The following BBX variants were observed in gnomAD, a reference collection of about 807,000 sequenced individuals.
BBX encodes the protein BBX high mobility group box domain containing.
In BBX, 30 loss-of-function variants were observed where a neutral mutation model predicts 100.2. That is an observed-to-expected ratio of 0.30 (90% confidence interval 0.22 to 0.41). BBX has a LOEUF of 0.41. Among genes scored for constraint, BBX ranks in the 10% least tolerant of loss-of-function variants. The pLI is 1.00. For synonymous variants in BBX, 376 were observed against 388.1 expected, an observed-to-expected ratio of 0.97 and a Z score of 0.37; for missense variants, 1,023 against 1,129.8, an observed-to-expected ratio of 0.91 and a Z score of 1.35.
chr3:107,797,494 T>G (rs931835197), intron 15 of BBX, among the ~76,000 whole-genome samples: 29 of 151,552 alleles, frequency 1.9e-4, no homozygotes, highest in Admixed American at 1.6e-3. Flanking sequence ...TCTATGTCTA[T>G]CCTAAGAAAT....
intron 2 of BBX, among the ~76,000 whole-genome samples, chr3:107,619,837 C>CT (rs1260203258): frequency 2.0e-5 from 3 of 151,968 alleles, no homozygotes. Flanking sequence ...AGTAAGGTGT[C>CT]TTTTTTCTCT....
chr3:107,658,213 T>G, intron 3 of BBX, among the ~76,000 whole-genome samples: 1 of 152,136 alleles, frequency 6.6e-6, no homozygotes, highest in Non-Finnish European at 1.5e-5. Context: ...CCATAATGAT[T>G]TACAAATCCT....
chr3:107,660,938 A>G (rs916119342), intron 3 of BBX, among the ~76,000 whole-genome samples: 123 of 152,318 alleles, frequency 8.1e-4, no homozygotes, highest in Middle Eastern at 3.4e-3. Flanking sequence ...GTTCTTTACT[A>G]GTGCTTAGCT....
chr3:107,722,364 A>C (rs893811898), intron 5 of BBX, among the ~76,000 whole-genome samples: 1 of 152,008 alleles, frequency 6.6e-6, no homozygotes. Context: ...ACCTTTTTAA[A>C]AGTAGTAAAA....
chr3:107,720,252 G>T (rs2062433095), intron 5 of BBX, among the ~76,000 whole-genome samples: 1 of 151,918 alleles, frequency 6.6e-6, no homozygotes, highest in Non-Finnish European at 1.5e-5. Context: ...CTTCTAATAC[G>T]TATAGCAACC....
rs572318825 is a variant in BBX, at chr3:107,768,497, T to A, written c.907-4131T>A. On this transcript the variant is annotated intron_variant, in intron 10 of 17. Coordinates refer to ENST00000325805, the MANE Select transcript of BBX (RefSeq NM_001142568.3). ...CTTGGCCATGTTTTGCTCAACATTATTACCAAAGATTTGGACAAAGACATG... is the reference window on the plus strand; with the variant it reads ...CTTGGCCATGTTTTGCTCAACATTAATACCAAAGATTTGGACAAAGACATG... Among the ~76,000 whole-genome samples, 12 of 152,322 alleles carry A rather than the reference T, an allele frequency of 7.9e-5. No individual in the cohort carries two copies. In the South Asian group the frequency reaches 8.3e-4, roughly 11 times the overall value.
intron 2 of BBX, among the ~76,000 whole-genome samples, chr3:107,639,307 A>AT: frequency 6.6e-6 from 1 of 152,264 alleles, no homozygotes; most frequent in East Asian, 1.9e-4. Context: ...AGTGGGTTTC[A>AT]TTTGCAGAAC....
At chr3:107,619,458 T>C (rs183593810) in intron 2 of BBX, among the ~76,000 whole-genome samples, 58 of 152,244 alleles carry the variant, frequency 3.8e-4, no homozygotes, top group African/African-American at 1.3e-3. Context: ...AGTATTCTAA[T>C]TTGTTTCAGT....
chr3:107,712,704 T>C (rs2061804687), intron 4 of BBX, among the ~76,000 whole-genome samples: 1 of 152,144 alleles, frequency 6.6e-6, no homozygotes, highest in Non-Finnish European at 1.5e-5. Flanking sequence ...CCTCCTGCAG[T>C]CCATTCTCAA....
intron 10 of BBX, among the ~76,000 whole-genome samples, chr3:107,762,442 T>C (rs2065971390): frequency 6.6e-6 from 1 of 152,246 alleles, no homozygotes; most frequent in African/African-American, 2.4e-5. Flanking sequence ...TGGAATTGAA[T>C]TTTTTAGCAG....
At chr3:107,786,418 AAG>A (rs1279567039) in intron 13 of BBX, among the ~76,000 whole-genome samples, 1 of 152,162 alleles carries the variant, frequency 6.6e-6, no homozygotes, top group Non-Finnish European at 1.5e-5. Context: ...AATGGTAATC[AAG>A]AGAGTGTTGT....
At chr3:107,652,741 A>G (rs1447845336) in intron 3 of BBX, among the ~76,000 whole-genome samples, 1 of 152,204 alleles carries the variant, frequency 6.6e-6, no homozygotes, top group African/African-American at 2.4e-5. Flanking sequence ...TTCCTAGGAA[A>G]ATAAATGGAT....
chr3:107,733,374 A>G (rs762340197), intron 7 of BBX, among the ~76,000 whole-genome samples: 3 of 152,196 alleles, frequency 2.0e-5, no homozygotes, highest in East Asian at 1.9e-4. Flanking sequence ...TGATGTTCAC[A>G]TGCTAGTGAA....
chr3:107,696,313 C>T (rs1193920246), intron 3 of BBX, among the ~76,000 whole-genome samples: 1 of 151,782 alleles, frequency 6.6e-6, no homozygotes, highest in Non-Finnish European at 1.5e-5. Context: ...TACATTTTGG[C>T]ATGATTTTGC....
At chr3:107,783,019 ATACTTC>A (rs2068059584) in intron 13 of BBX, among the ~76,000 whole-genome samples, 1 of 152,092 alleles carries the variant, frequency 6.6e-6, no homozygotes, top group African/African-American at 2.4e-5. Flanking sequence ...TCCTCCATGG[ATACTTC>A]TACATTAATA....
chr3:107,537,002 G>T (rs2048542299), intron 2 of BBX, among the ~76,000 whole-genome samples: 1 of 152,192 alleles, frequency 6.6e-6, no homozygotes. Context: ...CTGTGGCCCT[G>T]TGTTTGCCCG....
chr3:107,764,739 A>G (rs1222097482), intron 10 of BBX, among the ~76,000 whole-genome samples: 6 of 152,262 alleles, frequency 3.9e-5, no homozygotes, highest in Non-Finnish European at 5.9e-5. Context: ...AAGCCTGATT[A>G]ATAACTCACA....
At chr3:107,536,305 T>C (rs1282817810) in intron 2 of BBX, among the ~76,000 whole-genome samples, 3 of 152,250 alleles carry the variant, frequency 2.0e-5, no homozygotes, top group Non-Finnish European at 4.4e-5. Context: ...ATCTTTTATC[T>C]TTGCAAATTC....
chr3:107,786,395 C>T (rs1210551372), intron 13 of BBX, among the ~76,000 whole-genome samples: 1 of 152,024 alleles, frequency 6.6e-6, no homozygotes, highest in Non-Finnish European at 1.5e-5. Context: ...GATTTTAAAA[C>T]TAATTACAAA....
Sources: allele counts gnomAD v4.1 joint callset (sites outside exome capture counted in the v4.1 genomes callset), GRCh38; gene constraint gnomAD v4.1.1; transcripts MANE v1.5; gene names NCBI Gene and HGNC (gene_info 2026-07-23, HGNC 2026-07-21).